Variants in OTUD7B observed in about 807,000 individuals in gnomAD.
The protein encoded by OTUD7B is OTU domain-containing protein 7B.
OTUD7B carries 34 observed loss-of-function variants against 82.2 expected under a neutral mutation model. That is an observed-to-expected ratio of 0.41 (90% CI 0.31 to 0.55). The LOEUF is 0.55. Ranked by LOEUF, OTUD7B falls within the 20% of genes least tolerant of loss-of-function variation. The pLI, the probability that OTUD7B is intolerant of heterozygous loss-of-function variation, is 0.20. For missense variants in OTUD7B, 944 were observed against 1,062.1 expected (o/e 0.89, Z 1.55); for synonymous variants, 398 against 402.7 (o/e 0.99, Z 0.14).
the OTUD7B span, among the ~76,000 whole-genome samples, chr1:150,058,234 A>G: frequency 6.6e-6 from 1 of 152,216 alleles, no homozygotes; most frequent in Non-Finnish European, 1.5e-5. Context: ...AACAAAGGAT[A>G]TAGGCTGGTG....
chr1:149,994,906 C>T (rs959105783), intron 1 of OTUD7B, among the ~76,000 whole-genome samples: 2 of 152,190 alleles, frequency 1.3e-5, no homozygotes, highest in African/African-American at 4.8e-5. Context: ...AAATTATCCC[C>T]TTAAATGCTA....
intron 1 of OTUD7B, among the ~76,000 whole-genome samples, chr1:149,980,219 T>C (rs1650621313): frequency 6.7e-6 from 1 of 150,342 alleles, no homozygotes; most frequent in Admixed American, 6.7e-5. Context: ...CAACATTATC[T>C]AGAATGCCTT....
chr1:150,022,396 CAAAAAAA>C, the OTUD7B span, among the ~76,000 whole-genome samples: 23 of 6,084 alleles, frequency 3.8e-3, 5 homozygotes, highest in East Asian at 0.023. Flanking sequence ...AAACTCTCTA[CAAAAAAA>C]AAAAAAAAAA....
At position 149,942,532 on chromosome 1, in the gene OTUD7B, T is replaced by A. The variant is rs1553770680; in HGVS notation, c.*1325A>T. Reference sequence around the variant, plus strand: ...AGAAACCTAAAGACAGATCAGCTCATTGGGAGTCATCTGTGCTCTGTGGTT... The same window carrying A: ...AGAAACCTAAAGACAGATCAGCTCAATGGGAGTCATCTGTGCTCTGTGGTT... On this transcript the variant is annotated 3_prime_UTR_variant, in exon 12 of 12. Coordinates refer to ENST00000581312, the MANE Select transcript of OTUD7B (RefSeq NM_020205.4). 2 of 152,482 alleles carry A rather than the reference T, an allele frequency of 1.3e-5. No individual in the cohort carries two copies. The highest frequency in any genetic ancestry group is 2.9e-5 in the Non-Finnish European group (2 of 68,052). 9.4% of individuals were successfully genotyped at this position (152,482 alleles called of 1,614,324 possible).
At chr1:150,004,026 G>A (rs1365986618) in intron 1 of OTUD7B, among the ~76,000 whole-genome samples, 3 of 152,034 alleles carry the variant, frequency 2.0e-5, no homozygotes, top group Non-Finnish European at 2.9e-5. Flanking sequence ...CAGGCACAAC[G>A]TGTCACAGTT....
At chr1:150,010,887 C>T (rs775032361), upstream of OTUD7B, among the ~76,000 whole-genome samples, 1 of 152,136 alleles carries the variant, frequency 6.6e-6, no homozygotes, top group African/African-American at 2.4e-5. Flanking sequence ...TTGCCCCGCG[C>T]GTGACCCCGT....
rs782415026 is a variant in OTUD7B, at chr1:149,950,799, C to CTTTT, written c.846-582_846-579dup. On this transcript the variant is annotated intron_variant, in intron 7 of 11. Coordinates refer to ENST00000581312, the MANE Select transcript of OTUD7B (RefSeq NM_020205.4). ...TCCCGTGTGTTTTTTGTTTTTTTTT[C>CTTTT]TTTTTTTTTTTTGAGATAGAGTCTC... Among the ~76,000 whole-genome samples the CTTTT allele has an allele frequency of 2.1e-4, 27 of 128,264 alleles. 1 individual carries two copies. The highest frequency in any genetic ancestry group is 4.2e-4 in the Admixed American group (5 of 11,774). 84.1% of individuals were successfully genotyped at this position (128,264 alleles called of 152,430 possible).
intron 1 of OTUD7B, among the ~76,000 whole-genome samples, chr1:149,994,687 T>A (rs1042366280): frequency 2.0e-5 from 3 of 151,846 alleles, no homozygotes; most frequent in Admixed American, 6.6e-5. Context: ...CATAGCTCAC[T>A]GTAACCTCAA....
the OTUD7B span, among the ~76,000 whole-genome samples, chr1:150,066,006 A>T: frequency 6.6e-6 from 1 of 152,232 alleles, no homozygotes; most frequent in South Asian, 2.1e-4. The surrounding 1 kb of genome is among the most constrained non-coding windows in gnomAD (Gnocchi z 4.6). Context: ...TCAAAAGGAT[A>T]AAGATTCTTT....
intron 6 of OTUD7B, chr1:149,962,683 G>T (rs1278255861): frequency 6.6e-6 from 1 of 152,068 alleles, no homozygotes; most frequent in Non-Finnish European, 1.5e-5. Context: ...TTAATAACTG[G>T]AATTGGGCAC....
intron 7 of OTUD7B, among the ~76,000 whole-genome samples, chr1:149,950,808 T>C (rs1553773246): frequency 6.8e-6 from 1 of 146,100 alleles, no homozygotes; most frequent in Non-Finnish European, 1.5e-5. Flanking sequence ...TCTTTTTTTT[T>C]TTTGAGATAG....
In OTUD7B at chr1:149,942,812, CT is replaced by C. The variant is rs1465410221; in HGVS notation, c.*1044del. On this transcript the variant is annotated 3_prime_UTR_variant, in exon 12 of 12. Coordinates refer to ENST00000581312, the MANE Select transcript of OTUD7B (RefSeq NM_020205.4). ...AAAAATCATTTTTTAAATGTTTTTGCTTGCTGGGGTCTTTTTATTTCTTTTC... is the reference window on the plus strand; with the variant it reads ...AAAAATCATTTTTTAAATGTTTTTGCTGCTGGGGTCTTTTTATTTCTTTTC... The C allele has an allele frequency of 6.6e-6, 1 of 152,362 alleles. No homozygotes were observed. 9.4% of individuals were successfully genotyped at this position (152,362 alleles called of 1,614,324 possible).
intron 1 of OTUD7B, among the ~76,000 whole-genome samples, chr1:150,003,742 C>T (rs782431245): frequency 3.3e-5 from 5 of 152,020 alleles, no homozygotes; most frequent in Admixed American, 6.5e-5. Context: ...TTTATCAGTA[C>T]CATTTTCTTT....
the OTUD7B span, among the ~76,000 whole-genome samples, chr1:150,039,968 A>G: frequency 6.6e-6 from 1 of 152,256 alleles, no homozygotes; most frequent in East Asian, 1.9e-4. Context: ...TCCAGTATTT[A>G]ACTCATTTCT....
At chr1:149,976,506 G>C (rs1650317089) in intron 2 of OTUD7B, among the ~76,000 whole-genome samples, 1 of 151,276 alleles carries the variant, frequency 6.6e-6, no homozygotes, top group Non-Finnish European at 1.5e-5. Context: ...AGCTACTCCG[G>C]AGGCTGAGGC....
chr1:149,968,609 G>A (rs587685241), intron 3 of OTUD7B, among the ~76,000 whole-genome samples: 1 of 152,066 alleles, frequency 6.6e-6, no homozygotes, highest in Non-Finnish European at 1.5e-5. Context: ...AAGCATGTTG[G>A]GCTGTTCTTA....
the OTUD7B span, among the ~76,000 whole-genome samples, chr1:150,036,046 G>A: frequency 7.9e-5 from 11 of 138,426 alleles, no homozygotes; most frequent in South Asian, 2.3e-4. Flanking sequence ...TCCCCTTCCC[G>A]GGCTCAAGCG....
chr1:149,996,391 A>AC (rs1216780731), intron 1 of OTUD7B, among the ~76,000 whole-genome samples: 1 of 151,636 alleles, frequency 6.6e-6, no homozygotes, highest in East Asian at 1.9e-4. Context: ...AACAAAAAAA[A>AC]CTGGGGTTCC....
chr1:149,964,937 T>C (rs1393635040), intron 5 of OTUD7B, among the ~76,000 whole-genome samples: 20 of 149,824 alleles, frequency 1.3e-4, no homozygotes. Flanking sequence ...TTGCCCAGGC[T>C]GGAGTACAGT....
Sources: gnomAD v4.1 joint callset for allele counts (sites outside exome capture counted in the v4.1 genomes callset) on GRCh38, gnomAD v4.1.1 for gene constraint, Gnocchi (gnomAD v3.1) non-coding constraint, MANE v1.5 for transcripts, NCBI Gene and HGNC (gene_info 2026-07-23, HGNC 2026-07-21) for gene names.